Variants in PJA2 observed in about 807,000 individuals in gnomAD.
PJA2 encodes the protein praja ring finger ubiquitin ligase 2, also known as E3 ubiquitin-protein ligase Praja-2.
PJA2 carries 25 observed loss-of-function variants against 69.3 expected under a neutral mutation model. The ratio of observed to expected loss-of-function variants is 0.36; its 90% CI spans 0.26 to 0.50. The LOEUF is 0.50. Ranked by LOEUF, PJA2 falls within the 20% of genes least tolerant of loss-of-function variation. The pLI is 0.96. For synonymous variants in PJA2, 308 were observed against 277.8 expected (o/e 1.11, Z -1.08); for missense variants, 809 against 830.2 (o/e 0.97, Z 0.31).
At chr5:109,383,046 T>C (rs1246754466) in intron 2 of PJA2, among the ~76,000 whole-genome samples, 2 of 152,186 alleles carry the variant, frequency 1.3e-5, no homozygotes, top group East Asian at 1.9e-4. Flanking sequence ...GTGGATATTG[T>C]ATTCTATTTT....
chr5:109,358,426 CTTTG>C (rs1220078493), intron 6 of PJA2, among the ~76,000 whole-genome samples: 2 of 152,104 alleles, frequency 1.3e-5, no homozygotes, highest in African/African-American at 2.4e-5. Flanking sequence ...GTGGGTAAAT[CTTTG>C]TTTGGGGCTC....
At chr5:109,390,955 A>G (rs1747267691) in intron 1 of PJA2, among the ~76,000 whole-genome samples, 2 of 152,102 alleles carry the variant, frequency 1.3e-5, no homozygotes, top group South Asian at 4.1e-4. Context: ...TCCTTATATC[A>G]AAGTGTAACC....
At chr5:109,373,897 A>G (rs1762716638) in intron 4 of PJA2, among the ~76,000 whole-genome samples, 2 of 152,244 alleles carry the variant, frequency 1.3e-5, no homozygotes, top group Admixed American at 1.3e-4. Context: ...ATGGAAACAT[A>G]AAACCAACCA....
intron 1 of PJA2, among the ~76,000 whole-genome samples, chr5:109,385,035 T>C (rs1747126386): frequency 2.0e-5 from 3 of 152,166 alleles, no homozygotes; most frequent in African/African-American, 7.2e-5. Context: ...CAGGCTGGTC[T>C]CAAACTCCTG....
At chr5:109,342,571 A>G (rs1582581060) in intron 9 of PJA2, among the ~76,000 whole-genome samples, 1 of 78,346 alleles carries the variant, frequency 1.3e-5, no homozygotes, top group African/African-American at 5.6e-5. Context: ...CCGGGAGGTG[A>G]GGGGCGCCTC....
At chr5:109,346,176 T>C (rs1222043052) in intron 7 of PJA2, among the ~76,000 whole-genome samples, 1 of 152,230 alleles carries the variant, frequency 6.6e-6, no homozygotes, top group Non-Finnish European at 1.5e-5. Context: ...CGTTTAATTA[T>C]TACTTGTTAG....
intron 7 of PJA2, among the ~76,000 whole-genome samples, chr5:109,346,906 G>A (rs950096325): frequency 2.0e-5 from 3 of 152,102 alleles, no homozygotes; most frequent in African/African-American, 7.2e-5. Flanking sequence ...TTCCCATATA[G>A]AAGAAGAATT....
chr5:109,398,141 A>C (rs1340578116), intron 1 of PJA2, among the ~76,000 whole-genome samples: 1 of 152,218 alleles, frequency 6.6e-6, no homozygotes, highest in African/African-American at 2.4e-5. Flanking sequence ...ATCGTTAAAA[A>C]GTCAGGAAAC....
chr5:109,364,572 G>A (rs1405937080), intron 5 of PJA2, among the ~76,000 whole-genome samples: 3 of 146,710 alleles, frequency 2.0e-5, no homozygotes, highest in East Asian at 2.0e-4. Context: ...GCAGTGAGCC[G>A]AGATCCCGCC....
At chr5:109,347,557 A>T (rs1202564403) in intron 7 of PJA2, among the ~76,000 whole-genome samples, 1 of 152,228 alleles carries the variant, frequency 6.6e-6, no homozygotes, top group Non-Finnish European at 1.5e-5. Flanking sequence ...GTTCTGCAGC[A>T]GAGTACCTAG....
intron 7 of PJA2, among the ~76,000 whole-genome samples, chr5:109,353,546 T>G (rs1439735589): frequency 3.4e-5 from 4 of 116,342 alleles, no homozygotes; most frequent in African/African-American, 1.1e-4. Flanking sequence ...ATCATAGATA[T>G]CTATATATTA....
chr5:109,364,818 A>C (rs1397262938), intron 5 of PJA2, among the ~76,000 whole-genome samples: 1 of 151,862 alleles, frequency 6.6e-6, no homozygotes, highest in Non-Finnish European at 1.5e-5. Context: ...TATCAACAGA[A>C]AGGAGGCAAA....
chr5:109,339,840 T>C (rs1310674260), intron 9 of PJA2, among the ~76,000 whole-genome samples: 2 of 152,240 alleles, frequency 1.3e-5, no homozygotes, highest in African/African-American at 4.8e-5. Flanking sequence ...GTTGGTATAT[T>C]GTACAGCACA....
chr5:109,353,737 T>TACCTATTATATCTACAG (rs1762328530), intron 7 of PJA2, among the ~76,000 whole-genome samples: 1 of 102,006 alleles, frequency 9.8e-6, no homozygotes, highest in Non-Finnish European at 1.9e-5. Context: ...TATATCTAGA[T>TACCTATTATATCTACAG]ATCTAGATTA....
chr5:109,351,043 C>T (rs1300718132), intron 7 of PJA2, among the ~76,000 whole-genome samples: 3 of 150,662 alleles, frequency 2.0e-5, no homozygotes, highest in Non-Finnish European at 4.4e-5. Context: ...CAGGGACAAT[C>T]TGAAGTACTG....
intron 1 of PJA2, among the ~76,000 whole-genome samples, chr5:109,387,650 G>A (rs541676246): frequency 2.0e-5 from 3 of 152,286 alleles, no homozygotes; most frequent in African/African-American, 2.4e-5. Context: ...AATCAAGGAC[G>A]TATTAATTTC....
chr5:109,373,194 T>C (rs1418319521), intron 4 of PJA2, among the ~76,000 whole-genome samples: 1 of 152,062 alleles, frequency 6.6e-6, no homozygotes, highest in Non-Finnish European at 1.5e-5. Context: ...AACTTTTTCT[T>C]AAAATTCAGC....
At position 109,353,412 on chromosome 5, in the gene PJA2, TAGAC is replaced by T. The variant is rs1430747192; in HGVS notation, c.1764+2499_1764+2502del. ...TCTATATATTAGATACCTATATCTA[TAGAC>T]ATCTATATATTAGATACCTATATAT... is the stretch of plus-strand genomic sequence containing the variant. On this transcript the variant is annotated intron_variant, in intron 7 of 9. Transcript: ENST00000361189. 8.7e-5 allele frequency among the ~76,000 whole-genome samples: 11 copies of T among 126,326 alleles called. 1 individual carries two copies. The South Asian group carries it at 1.3e-3, about 15-fold the overall frequency. 82.9% of individuals were successfully genotyped at this position (126,326 alleles called of 152,430 possible). A position where few individuals can be genotyped will look rare whatever the true frequency, so the allele number is the denominator to read the frequency against.
intron 1 of PJA2, among the ~76,000 whole-genome samples, chr5:109,396,449 CAGA>C: frequency 9.2e-6 from 1 of 108,920 alleles, no homozygotes; most frequent in East Asian, 2.8e-4. Context: ...TTTTTTGAGA[CAGA>C]GTCTCACTCT....
Sources: gnomAD v4.1 joint callset for allele counts (sites outside exome capture counted in the v4.1 genomes callset) on GRCh38, gnomAD v4.1.1 for gene constraint, MANE v1.5 for transcripts, NCBI Gene and HGNC (gene_info 2026-07-23, HGNC 2026-07-21) for gene names.